AP2B1: variants seen among roughly 807,000 people sequenced by gnomAD.
AP2B1 encodes the protein adaptor related protein complex 2 subunit beta 1, also known as AP-2 complex subunit beta.
Under a neutral mutation model 102.0 loss-of-function variants are expected in AP2B1, and 23 were observed. The ratio of observed to expected loss-of-function variants is 0.23; its 90% CI spans 0.16 to 0.32. AP2B1 has a LOEUF of 0.32. AP2B1 is among the 10% of genes least tolerant of loss of function. The pLI is 1.00. For synonymous variants in AP2B1, 381 were observed against 421.2 expected, an observed-to-expected ratio of 0.90 and a Z score of 1.17; for missense variants, 541 against 1,157.4, an observed-to-expected ratio of 0.47 and a Z score of 7.73.
intron 1 of AP2B1, among the ~76,000 whole-genome samples, chr17:35,592,571 T>C (rs1319349361): frequency 5.3e-5 from 8 of 151,674 alleles, no homozygotes; most frequent in African/African-American, 1.7e-4. Context: ...GAGATGGACT[T>C]TTGCTCTGTT....
At position 35,657,855 on chromosome 17, in the gene AP2B1, A is replaced by C. The variant is rs937015870; in HGVS notation, c.1989+64A>C. 6.1e-6 allele frequency: 9 copies of C among 1,471,676 alleles called. No individual in the cohort carries two copies. In the East Asian group the frequency reaches 1.6e-4, roughly 26 times the overall value. The allele number at this position is 1,471,676 out of a possible 1,614,324, so 91.2% of individuals were successfully genotyped here. A position where few individuals can be genotyped will look rare whatever the true frequency, so the allele number is the denominator to read the frequency against. The stretch of plus-strand genomic sequence containing the variant: ...AGTTCTTGATATGCTAGAGAGTTTT[A>C]AATTATTCAGCTTTTTAGAACTAGA... On this transcript the variant is annotated intron_variant, in intron 14 of 21. Coordinates refer to ENST00000610402, the MANE Select transcript of AP2B1 (RefSeq NM_001030006.2).
At chr17:35,600,492 C>T (rs529920026) in intron 3 of AP2B1, among the ~76,000 whole-genome samples, 4 of 151,742 alleles carry the variant, frequency 2.6e-5, no homozygotes, top group Admixed American at 1.3e-4. Flanking sequence ...TTTCCTTTTC[C>T]GAGTTATATA....
intron 5 of AP2B1, among the ~76,000 whole-genome samples, chr17:35,611,435 A>G (rs1053939409): frequency 3.3e-5 from 5 of 152,136 alleles, no homozygotes; most frequent in South Asian, 2.1e-4. Flanking sequence ...GGTCAGGGAT[A>G]AGGCCTAAGG....
chr17:35,723,588 T>C (rs1245529879), intron 21 of AP2B1, 37 bp from the exon 22 acceptor site: 16 of 1,457,894 alleles, frequency 1.1e-5, no homozygotes, highest in Non-Finnish European at 1.4e-5. Flanking sequence ...AATGCCAACC[T>C]CTGTGCTAAT....
intron 20 of AP2B1, 74 bp from the exon 21 acceptor site, chr17:35,717,121 A>G: frequency 2.0e-6 from 3 of 1,510,826 alleles, no homozygotes; most frequent in Non-Finnish European, 2.7e-6. Flanking sequence ...ATGGCTCATA[A>G]GGATGTGAGA....
rs139345832 is a variant in AP2B1, at chr17:35,648,213, A to T, written c.1537-2317A>T. Among the ~76,000 whole-genome samples the T allele has an allele frequency of 1.0e-3, 157 of 152,272 alleles. 2 individuals are homozygous for T. The highest frequency in any genetic ancestry group is 3.2e-3 in the African/African-American group (131 of 41,548). On this transcript the variant is annotated intron_variant, in intron 12 of 21. Coordinates refer to ENST00000610402, the MANE Select transcript of AP2B1 (RefSeq NM_001030006.2). The stretch of plus-strand genomic sequence containing the variant: ...TTATTGCCACTTTATAATGATGACA[A>T]AAACAATAAAGAAAACAATAGGCCA...
intron 17 of AP2B1, among the ~76,000 whole-genome samples, chr17:35,675,712 C>T (rs1281776640): frequency 6.6e-6 from 1 of 151,186 alleles, no homozygotes; most frequent in Non-Finnish European, 1.5e-5. Context: ...CGGCGGCTCA[C>T]TGCAACCTCT....
intron 21 of AP2B1, among the ~76,000 whole-genome samples, chr17:35,721,203 C>T (rs2143014775): frequency 6.6e-6 from 1 of 152,282 alleles, no homozygotes; most frequent in African/African-American, 2.4e-5. Flanking sequence ...GAGGCTATAT[C>T]TCTGTAAGTA....
chr17:35,721,449 A>T (rs782793055), intron 21 of AP2B1, among the ~76,000 whole-genome samples: 3 of 152,174 alleles, frequency 2.0e-5, no homozygotes, highest in Non-Finnish European at 4.4e-5. Flanking sequence ...TCTCCCTAGG[A>T]GCCATACAAA....
At chr17:35,632,618 G>A (rs751543038) in intron 9 of AP2B1, among the ~76,000 whole-genome samples, 12 of 150,412 alleles carry the variant, frequency 8.0e-5, no homozygotes, top group Non-Finnish European at 1.5e-4. Flanking sequence ...TACAATGATG[G>A]GATGTTTACT....
Position 35,671,882 on chromosome 17 carries a change from A to T in AP2B1, c.2160A>T (p.Gly720=), listed in dbSNP as rs1347584218. 1 of 1,613,984 alleles carries T rather than the reference A, an allele frequency of 6.2e-7. No homozygotes were observed. The highest frequency in any genetic ancestry group is 1.3e-5 in the African/African-American group (1 of 74,930). ...CAGGGATAGGCATGGCACCTGGTGGATATGTGGCTCCTAAGGCTGTAAGTA... is the reference window on the plus strand; with the variant it reads ...CAGGGATAGGCATGGCACCTGGTGGTTATGTGGCTCCTAAGGCTGTAAGTA... ...LSTGIGMAPG[G]YVAPKAVWLP... The change falls in exon 16 of 22, where the codon GGA becomes GGT. Residue 720 remains glycine (G), a synonymous_variant. Coordinates refer to ENST00000610402, the MANE Select transcript of AP2B1 (RefSeq NM_001030006.2).
intron 20 of AP2B1, among the ~76,000 whole-genome samples, chr17:35,714,035 G>T (rs1180185958): frequency 6.6e-6 from 1 of 152,174 alleles, no homozygotes. Flanking sequence ...TATCTGGAAA[G>T]GAATCTTTGT....
At position 35,725,836 on chromosome 17, in the gene AP2B1, C is replaced by T. The variant is rs1568078827; in HGVS notation, c.*2137C>T. On this transcript the variant is annotated 3_prime_UTR_variant, in exon 22 of 22. Coordinates refer to ENST00000610402, the MANE Select transcript of AP2B1 (RefSeq NM_001030006.2). Reference sequence around the variant, plus strand: ...TTCCTATCAGAATATGTCCCTCAACCCCCGAAACAAGGCTTCTCTCAGCCT... The same window carrying T: ...TTCCTATCAGAATATGTCCCTCAACTCCCGAAACAAGGCTTCTCTCAGCCT... 1.3e-5 allele frequency: 2 copies of T among 152,422 alleles called. No individual in the cohort carries two copies. Among genetic ancestry groups the T allele is most frequent in the Non-Finnish European group, 2.9e-5 (2 of 68,032 alleles). 9.4% of individuals were successfully genotyped at this position (152,422 alleles called of 1,614,324 possible).
At chr17:35,715,924 G>A (rs782075812) in intron 20 of AP2B1, among the ~76,000 whole-genome samples, 6 of 152,178 alleles carry the variant, frequency 3.9e-5, no homozygotes, top group Admixed American at 6.5e-5. Flanking sequence ...TTGAATGTGC[G>A]AGAAAGACAT....
intron 21 of AP2B1, among the ~76,000 whole-genome samples, chr17:35,720,612 A>G (rs1275302540): frequency 9.6e-6 from 1 of 103,974 alleles, no homozygotes; most frequent in Non-Finnish European, 1.7e-5. Context: ...ATATAGAGAT[A>G]GGGTCTCGCT....
intron 14 of AP2B1, 114 bp downstream of exon 14, chr17:35,657,905 C>T (rs1056459570): frequency 1.0e-5 from 9 of 891,646 alleles, no homozygotes; most frequent in Non-Finnish European, 1.5e-5. Flanking sequence ...GCAGTAGTGT[C>T]CTTTGATAAA....
intron 12 of AP2B1, among the ~76,000 whole-genome samples, chr17:35,649,936 T>A (rs886461254): frequency 6.6e-6 from 1 of 151,798 alleles, no homozygotes; most frequent in Non-Finnish European, 1.5e-5. Context: ...GCCCTGATAA[T>A]TTTTGTACTT....
At chr17:35,638,605 G>A (rs2074676556) in intron 10 of AP2B1, among the ~76,000 whole-genome samples, 2 of 151,870 alleles carry the variant, frequency 1.3e-5, no homozygotes. Context: ...TGGCTAACAT[G>A]GAGAAACCCT....
chr17:35,600,913 A>G (rs1411076003), intron 3 of AP2B1: 5 of 741,824 alleles, frequency 6.7e-6, no homozygotes, highest in Non-Finnish European at 8.2e-6. Context: ...GTAGGAAATG[A>G]CTCTGTATCT....
Sources: allele counts gnomAD v4.1 joint callset (sites outside exome capture counted in the v4.1 genomes callset), GRCh38; gene constraint gnomAD v4.1.1; transcripts MANE v1.5; gene names NCBI Gene and HGNC (gene_info 2026-07-23, HGNC 2026-07-21).